The following NPAS2 variants were observed in gnomAD, a reference collection of about 807,000 sequenced individuals.
The protein encoded by NPAS2 is neuronal PAS domain-containing protein 2.
In NPAS2, 23 loss-of-function variants were observed where a neutral mutation model predicts 107.5. That is an observed-to-expected ratio of 0.21 (90% CI 0.15 to 0.30). The LOEUF (loss-of-function observed/expected upper bound fraction) is 0.30. Ranked by LOEUF, NPAS2 falls within the 10% of genes least tolerant of loss-of-function variation. NPAS2 has a pLI of 1.00. For missense variants in NPAS2, 756 were observed against 1,043.3 expected (o/e 0.72, Z 3.79); for synonymous variants, 403 against 417.5 (o/e 0.97, Z 0.42).
chr2:100,824,294 T>G (rs368521979), intron 1 of NPAS2, among the ~76,000 whole-genome samples: 1 of 152,318 alleles, frequency 6.6e-6, no homozygotes, highest in South Asian at 2.1e-4. Flanking sequence ...TGGAAAATTA[T>G]TGGGAGCATG....
intron 2 of NPAS2, among the ~76,000 whole-genome samples, chr2:100,914,369 C>T (rs577073943): frequency 6.6e-5 from 10 of 152,292 alleles, no homozygotes; most frequent in Admixed American, 2.0e-4. Context: ...TAGAGAGCTA[C>T]GCCTGAGGTG....
rs1350513179 is a variant in NPAS2, at chr2:100,973,875, T to C, written c.1141-928T>C. On this transcript the variant is annotated intron_variant, in intron 12 of 20. Coordinates refer to ENST00000335681, the MANE Select transcript of NPAS2 (RefSeq NM_002518.4). Reference sequence around the variant, plus strand: ...ATTATTTTTTTAGACAGAGTCTCACTATGTTGCCCAGGCTGGAGTGCAATG... The same window carrying C: ...ATTATTTTTTTAGACAGAGTCTCACCATGTTGCCCAGGCTGGAGTGCAATG... Among the ~76,000 whole-genome samples the C allele has an allele frequency of 3.3e-5, 5 of 152,230 alleles. No homozygotes were observed. In the East Asian group the frequency reaches 9.6e-4, roughly 29 times the overall value.
intron 2 of NPAS2, among the ~76,000 whole-genome samples, chr2:100,920,025 T>C (rs972294809): frequency 6.6e-6 from 1 of 152,196 alleles, no homozygotes; most frequent in Non-Finnish European, 1.5e-5. Flanking sequence ...TCCATATCGC[T>C]TGATGGAGCG....
chr2:100,868,939 T>C (rs1679400987), intron 1 of NPAS2, among the ~76,000 whole-genome samples: 1 of 152,180 alleles, frequency 6.6e-6, no homozygotes, highest in African/African-American at 2.4e-5. Context: ...ACTTATTTTA[T>C]TTTATTTTTT....
At chr2:100,954,706 C>G (rs1274556134) in intron 7 of NPAS2, among the ~76,000 whole-genome samples, 2 of 142,176 alleles carry the variant, frequency 1.4e-5, no homozygotes, top group South Asian at 4.4e-4. Context: ...AAAAAAGAAA[C>G]TAGAAAACAT....
rs781598017 is a variant in NPAS2 at position 100,965,240 on chromosome 2, T to G, written c.800+297T>G. Among the ~76,000 whole-genome samples, 1 of 152,196 alleles carries G rather than the reference T, an allele frequency of 6.6e-6. No homozygotes were observed. Among genetic ancestry groups the G allele is most frequent in the Non-Finnish European group, 1.5e-5 (1 of 68,036 alleles). On this transcript the variant is annotated intron_variant, in intron 9 of 20. Transcript: ENST00000335681. This position sits in a 1 kb window ranked among gnomAD's most constrained non-coding sequence, Gnocchi z 4.3. ...GGCAGCAGCAAGTGTGAGAGAAATC[T>G]CTCATCTCATTTTTTTCAACATCCT...
At chr2:100,873,268 AAAAATACATAT>A (rs1679699096) in intron 1 of NPAS2, among the ~76,000 whole-genome samples, 2 of 99,604 alleles carry the variant, frequency 2.0e-5, no homozygotes, top group African/African-American at 1.0e-4. Context: ...AAAAAAAAAA[AAAAATACATAT>A]ATATATATAT....
At chr2:100,888,841 C>T (rs1211341370) in intron 1 of NPAS2, among the ~76,000 whole-genome samples, 1 of 152,148 alleles carries the variant, frequency 6.6e-6, no homozygotes, top group African/African-American at 2.4e-5. Flanking sequence ...CCTTGACACC[C>T]CGAAGCCACC....
At chr2:100,921,466 G>T (rs1317589086) in intron 2 of NPAS2, among the ~76,000 whole-genome samples, 1 of 149,362 alleles carries the variant, frequency 6.7e-6, no homozygotes, top group East Asian at 1.9e-4. Flanking sequence ...GGGTTTTTGA[G>T]CCCCACATTC....
At chr2:100,862,893 C>T (rs1325312627) in intron 1 of NPAS2, among the ~76,000 whole-genome samples, 8 of 152,196 alleles carry the variant, frequency 5.3e-5, no homozygotes, top group African/African-American at 9.7e-5. Flanking sequence ...GAGTGACCCT[C>T]TTCTTACCCT....
chr2:100,852,862 G>A (rs1042999175), intron 1 of NPAS2, among the ~76,000 whole-genome samples: 1 of 152,010 alleles, frequency 6.6e-6, no homozygotes, highest in African/African-American at 2.4e-5. Flanking sequence ...GGCGTTCAGT[G>A]CTTTCTTTAA....
chr2:100,894,206 C>T (rs1681260586), intron 1 of NPAS2, among the ~76,000 whole-genome samples: 1 of 152,192 alleles, frequency 6.6e-6, no homozygotes, highest in African/African-American at 2.4e-5. Flanking sequence ...GTGTGAATGT[C>T]ATTTGCAGGC....
intron 1 of NPAS2, among the ~76,000 whole-genome samples, chr2:100,839,103 G>T (rs1054877678): frequency 6.6e-6 from 1 of 152,012 alleles, no homozygotes; most frequent in Admixed American, 6.6e-5. Context: ...ACATGAAGAT[G>T]ATGAGGATGA....
chr2:100,894,993 A>C (rs1442696873), intron 1 of NPAS2, among the ~76,000 whole-genome samples: 1 of 152,222 alleles, frequency 6.6e-6, no homozygotes, highest in Non-Finnish European at 1.5e-5. Flanking sequence ...TTAAAATGTA[A>C]GATGGAGTCT....
intron 15 of NPAS2, among the ~76,000 whole-genome samples, chr2:100,978,856 T>C (rs1351958650): frequency 6.6e-6 from 1 of 152,134 alleles, no homozygotes; most frequent in Non-Finnish European, 1.5e-5. Context: ...TGCCAGATGG[T>C]TTGGCAGGGG....
At chr2:100,842,598 C>T (rs1015155433) in intron 1 of NPAS2, among the ~76,000 whole-genome samples, 8 of 152,086 alleles carry the variant, frequency 5.3e-5, no homozygotes, top group Non-Finnish European at 7.4e-5. Context: ...AGTCCTTAGT[C>T]GTGCAAGGTG....
In NPAS2 at chr2:100,988,393, T is replaced by C. The variant is rs1032552363; in HGVS notation, c.1827+117T>C. On this transcript the variant is annotated intron_variant, in intron 17 of 20. Coordinates refer to ENST00000335681, the MANE Select transcript of NPAS2 (RefSeq NM_002518.4). Reference sequence around the variant, plus strand: ...AACTGAGGCCTACTGCCCTGTTCCGTTATGGACTGAGGGTAGATTTGGGAG... The same window carrying C: ...AACTGAGGCCTACTGCCCTGTTCCGCTATGGACTGAGGGTAGATTTGGGAG... 1.6e-5 allele frequency: 13 copies of C among 835,892 alleles called. 1 individual carries two copies. In the South Asian group the frequency reaches 2.2e-4, roughly 14 times the overall value. 51.8% of individuals were successfully genotyped at this position (835,892 alleles called of 1,614,324 possible).
In NPAS2 at chr2:100,971,094, A is replaced by C; in HGVS notation, c.1140+20A>C. ...CTAAAGGTACGCCCATCCCTGCCAG[A>C]TGGATACGGCAAAGGTTGGCTAGGA... On this transcript the variant is annotated intron_variant, in intron 12 of 20. Coordinates refer to ENST00000335681, the MANE Select transcript of NPAS2 (RefSeq NM_002518.4). 6.2e-7 allele frequency: 1 copy of C among 1,610,630 alleles called. No individual in the cohort carries two copies. Among genetic ancestry groups the C allele is most frequent in the South Asian group, 1.1e-5 (1 of 90,866 alleles).
chr2:100,863,456 GC>G (rs1449462816), intron 1 of NPAS2, among the ~76,000 whole-genome samples: 2 of 152,190 alleles, frequency 1.3e-5, no homozygotes, highest in African/African-American at 4.8e-5. Flanking sequence ...CATATCAGTG[GC>G]CACACAGTCC....
Sources: gnomAD v4.1 joint callset for allele counts (sites outside exome capture counted in the v4.1 genomes callset) on GRCh38, gnomAD v4.1.1 for gene constraint, Gnocchi (gnomAD v3.1) non-coding constraint, MANE v1.5 for transcripts, NCBI Gene and HGNC (gene_info 2026-07-23, HGNC 2026-07-21) for gene names.